Variants in TXNDC11 observed in about 807,000 individuals in gnomAD.
TXNDC11 encodes thioredoxin domain-containing protein 11.
In TXNDC11, 68 loss-of-function variants were observed where a neutral mutation model predicts 78.0. That is an observed-to-expected ratio of 0.87 (90% CI 0.72 to 1.07). TXNDC11 has a LOEUF of 1.07. Among genes scored for constraint, TXNDC11 ranks in the 50% least tolerant of loss-of-function variants. TXNDC11 has a pLI of 0.00. For missense variants in TXNDC11, 1,389 were observed against 1,221.8 expected (o/e 1.14, Z -2.04); for synonymous variants, 571 against 495.2 (o/e 1.15, Z -2.03).
At chr16:11,727,551 T>A (rs551028325) in intron 4 of TXNDC11, among the ~76,000 whole-genome samples, 1 of 151,572 alleles carries the variant, frequency 6.6e-6, no homozygotes, top group Non-Finnish European at 1.5e-5. Flanking sequence ...CTGTATAGGG[T>A]TTTTTTGTTT....
In TXNDC11 at chr16:11,721,581, C is replaced by T; in HGVS notation, c.789G>A (p.Lys263=). The T allele has an allele frequency of 6.3e-7, 1 of 1,594,570 alleles. No individual in the cohort carries two copies. The highest frequency in any genetic ancestry group is 2.2e-5 in the East Asian group (1 of 44,584). ...TTAATATGAATCATTTTTTACCTTT[C>T]TTTAATGAATGTAATGCTGAGGTGA... The part of the protein sequence containing the change: ...TFFTSALHSL[K]KDYLGTVRFG... Residue 263 remains lysine (K), a synonymous_variant, in exon 5 of 12, where the codon AAG becomes AAA. Coordinates refer to ENST00000283033, the MANE Select transcript of TXNDC11 (RefSeq NM_015914.7).
rs185440767 is a variant in TXNDC11 at position 11,701,365 on chromosome 16, G to C, written c.794-801C>G. Among the ~76,000 whole-genome samples the C allele has an allele frequency of 3.9e-5, 6 of 152,006 alleles. No homozygotes were observed. The East Asian group carries it at 7.8e-4, about 20-fold the overall frequency. On this transcript the variant is annotated intron_variant, in intron 5 of 11. Transcript: ENST00000283033. ...TTGGCCAGGGCAGTCTCGAACTCCTGACCTCAAGTGATGTGCCTGCCTCTG... is the reference window on the plus strand; with the variant it reads ...TTGGCCAGGGCAGTCTCGAACTCCTCACCTCAAGTGATGTGCCTGCCTCTG...
At position 11,721,656 on chromosome 16, in the gene TXNDC11, C is replaced by T; in HGVS notation, c.714G>A (p.Gly238=). The T allele has an allele frequency of 6.2e-7, 1 of 1,610,302 alleles. No individual in the cohort carries two copies. Among genetic ancestry groups the T allele is most frequent in the Non-Finnish European group, 8.5e-7 (1 of 1,177,260 alleles). The change falls in exon 5 of 12, where the codon GGG becomes GGA. Residue 238 remains glycine, a synonymous_variant. Coordinates refer to ENST00000283033, the MANE Select transcript of TXNDC11 (RefSeq NM_015914.7). ...FLSNYEPGVL[G]YFEFSGSPQP... is the part of the protein sequence containing the mutation. Reference sequence around the variant, plus strand: ...GGGGTGAGCCACTGAACTCAAAGTACCCGAGTACTCCAGGCTGCAGGAAAA... The same window carrying T: ...GGGGTGAGCCACTGAACTCAAAGTATCCGAGTACTCCAGGCTGCAGGAAAA...
chr16:11,679,494 G>A lies in TXNDC11; in HGVS notation c.2578C>T (p.Gln860Ter), dbSNP rs1050348855. ...CGTGTCTTCTGCTCATAGAGGGCCTGCAGCTGCTCACTGTGTGCGTGGAGC... is the reference window on the plus strand; with the variant it reads ...CGTGTCTTCTGCTCATAGAGGGCCTACAGCTGCTCACTGTGTGCGTGGAGC... ...SLLHAHSEQL[Q>*]ALYEQKTREL... The change falls in exon 12 of 12, where the codon CAG becomes TAG. Residue 860 changes from glutamine to a stop codon, truncating the protein, a stop_gained. Coordinates refer to ENST00000283033, the MANE Select transcript of TXNDC11 (RefSeq NM_015914.7). LOFTEE classifies it low-confidence loss of function (END_TRUNC). The surrounding 1 kb of genome is among the most constrained non-coding windows in gnomAD (Gnocchi z 4.6). 6.2e-7 allele frequency: 1 copy of A among 1,613,474 alleles called. No individual in the cohort carries two copies. Among genetic ancestry groups the A allele is most frequent in the Non-Finnish European group, 8.5e-7 (1 of 1,180,032 alleles).
At chr16:11,699,588 T>C (rs2050953286) in intron 6 of TXNDC11, among the ~76,000 whole-genome samples, 1 of 152,200 alleles carries the variant, frequency 6.6e-6, no homozygotes, top group African/African-American at 2.4e-5. Flanking sequence ...CTGCAAGAAG[T>C]AAAGCACAGC....
At chr16:11,697,592 C>A (rs2050892704) in intron 7 of TXNDC11, among the ~76,000 whole-genome samples, 1 of 152,184 alleles carries the variant, frequency 6.6e-6, no homozygotes, top group Non-Finnish European at 1.5e-5. Flanking sequence ...TCCGATGGCG[C>A]TGCCTCTGAA....
At chr16:11,695,914 A>T (rs549060748) in intron 7 of TXNDC11, among the ~76,000 whole-genome samples, 15 of 152,154 alleles carry the variant, frequency 9.9e-5, no homozygotes, top group Middle Eastern at 3.4e-3. Context: ...GTGCACCTGT[A>T]GTCCCAGCTA....
rs754148532 is a variant in TXNDC11, at chr16:11,691,678, G to A, written c.1512C>T (p.Tyr504=). ...TTATGGTCCTGCAACATGCAGTGTA[G>A]TAGCTGAAGGGGCTATAGGAAGTTA... is the stretch of plus-strand genomic sequence containing the variant. ...NFLTSYSPFS[Y]YTACCRTISR... Residue 504 remains tyrosine (Y), a synonymous_variant, in exon 8 of 12, where the codon TAC becomes TAT. Coordinates refer to ENST00000283033, the MANE Select transcript of TXNDC11 (RefSeq NM_015914.7). 3.3e-5 allele frequency: 53 copies of A among 1,614,106 alleles called. No individual in the cohort carries two copies. In the East Asian group the frequency reaches 1.2e-3, roughly 36 times the overall value.
chr16:11,699,124 T>C (rs766136480), intron 6 of TXNDC11, among the ~76,000 whole-genome samples: 3 of 152,234 alleles, frequency 2.0e-5, no homozygotes, highest in Non-Finnish European at 4.4e-5. Flanking sequence ...AATTGACTCA[T>C]AACAGAGACT....
chr16:11,687,822 T>A (rs2050605587), intron 10 of TXNDC11, 35 bp downstream of exon 10: 3 of 1,432,964 alleles, frequency 2.1e-6, no homozygotes, highest in African/African-American at 1.4e-5. Flanking sequence ...AAAATGGGCA[T>A]ACAGCCCAAA....
chr16:11,706,190 G>T (rs944715361), intron 5 of TXNDC11, among the ~76,000 whole-genome samples: 1 of 152,236 alleles, frequency 6.6e-6, no homozygotes, highest in Non-Finnish European at 1.5e-5. Context: ...TGGTGTCAAT[G>T]ATCACTGCAA....
intron 11 of TXNDC11, among the ~76,000 whole-genome samples, chr16:11,682,602 C>T (rs1242677519): frequency 6.6e-6 from 1 of 152,162 alleles, no homozygotes; most frequent in Non-Finnish European, 1.5e-5. Context: ...GTGCTGGGTG[C>T]TAAGATTTTC....
At chr16:11,735,912 A>T (rs1180464467) in intron 2 of TXNDC11, 105 bp downstream of exon 2, 1 of 1,073,404 alleles carries the variant, frequency 9.3e-7, no homozygotes, top group Admixed American at 1.9e-5. Context: ...CCTGGAGTTC[A>T]CCTTGGCAAA....
intron 1 of TXNDC11, chr16:11,742,217 C>T (rs968324675): frequency 2.4e-6 from 1 of 421,070 alleles, no homozygotes; most frequent in South Asian, 5.6e-5. Flanking sequence ...AGGAGCACCC[C>T]CGACCCGCCT....
chr16:11,721,623 A>G lies in TXNDC11; in HGVS notation c.747T>C (p.Pro249=). 2 of 1,612,746 alleles carry G rather than the reference A, an allele frequency of 1.2e-6. No individual in the cohort carries two copies. The highest frequency in any genetic ancestry group is 1.7e-5 in the Admixed American group (1 of 59,980). The part of the protein sequence containing the change: ...YFEFSGSPQP[P]GYLTFFTSAL... Reference sequence around the variant, plus strand: ...CTGAGGTGAAGAAGGTCAAATAACCAGGAGGCTGGGGTGAGCCACTGAACT... The same window carrying G: ...CTGAGGTGAAGAAGGTCAAATAACCGGGAGGCTGGGGTGAGCCACTGAACT... Residue 249 remains proline, a synonymous_variant, in exon 5 of 12, where the codon CCT becomes CCC. Coordinates refer to ENST00000283033, the MANE Select transcript of TXNDC11 (RefSeq NM_015914.7).
At chr16:11,697,395 A>C (rs1310051680) in intron 7 of TXNDC11, among the ~76,000 whole-genome samples, 2 of 152,156 alleles carry the variant, frequency 1.3e-5, no homozygotes, top group African/African-American at 4.8e-5. Context: ...GAAAAAATAA[A>C]AACCTCAGTA....
chr16:11,683,250 T>C (rs891343453), intron 11 of TXNDC11, among the ~76,000 whole-genome samples: 1 of 152,200 alleles, frequency 6.6e-6, no homozygotes, highest in South Asian at 2.1e-4. Flanking sequence ...TGCAGGGGCT[T>C]CCGGGGTAGT....
intron 10 of TXNDC11, among the ~76,000 whole-genome samples, chr16:11,685,365 G>A (rs1232401411): frequency 1.3e-5 from 2 of 149,422 alleles, no homozygotes; most frequent in Admixed American, 1.3e-4. Flanking sequence ...AAACAACAAC[G>A]CCGGGCGTGG....
In TXNDC11 at chr16:11,700,493, A is replaced by G. The variant is rs1398038722; in HGVS notation, c.865T>C (p.Ser289Pro). Residue 289 changes from serine to proline, a missense_variant, in exon 6 of 12, where the codon TCT (serine) becomes CCT (proline). Physicochemically the swap from Ser to Pro is moderately conservative, Grantham distance 74. Coordinates refer to ENST00000283033, the MANE Select transcript of TXNDC11 (RefSeq NM_015914.7). ...HLAKLVSLVH[S>P]GSVYLHRHFN... ...TGTCTATGTAAATACACACTTCCAGAGTGTACTAAGGATACCAGTTTCGCA... is the reference window on the plus strand; with the variant it reads ...TGTCTATGTAAATACACACTTCCAGGGTGTACTAAGGATACCAGTTTCGCA... The G allele has an allele frequency of 1.3e-6, 2 of 1,591,870 alleles. No individual in the cohort carries two copies. The highest frequency in any genetic ancestry group is 2.2e-5 in the East Asian group (1 of 44,788).
Sources: allele counts gnomAD v4.1 joint callset (sites outside exome capture counted in the v4.1 genomes callset), GRCh38; gene constraint gnomAD v4.1.1; non-coding constraint Gnocchi (gnomAD v3.1); transcripts MANE v1.5; gene names NCBI Gene and HGNC (gene_info 2026-07-23, HGNC 2026-07-21).